The following SEPTIN10 variants were observed in gnomAD, a reference collection of about 807,000 sequenced individuals.
The protein encoded by SEPTIN10 is septin 10.
SEPTIN10 carries 66 observed loss-of-function variants against 54.8 expected under a neutral mutation model. The observed-to-expected ratio is 1.21, with a 90% CI of 0.99 to 1.48. The LOEUF (loss-of-function observed/expected upper bound fraction) is 1.48, where lower values mean the gene tolerates loss of function less well. SEPTIN10 is among the 40% of genes most tolerant of loss of function. SEPTIN10 has a pLI of 0.00. For missense variants in SEPTIN10, 620 were observed against 545.6 expected (o/e 1.14, Z -1.36); for synonymous variants, 161 against 181.0 (o/e 0.89, Z 0.89).
intron 1 of SEPTIN10, among the ~76,000 whole-genome samples, chr2:109,607,879 C>A (rs1032095185): frequency 6.6e-5 from 10 of 152,070 alleles, no homozygotes; most frequent in African/African-American, 2.4e-4. Context: ...CTGGAGGTAT[C>A]TATACTTTTA....
chr2:109,612,731 A>G (rs1468175691), intron 1 of SEPTIN10, among the ~76,000 whole-genome samples: 1 of 152,202 alleles, frequency 6.6e-6, no homozygotes, highest in African/African-American at 2.4e-5. Context: ...ACATGCACAC[A>G]AACACAGCAA....
At chr2:109,556,607 C>T (rs961144602) in intron 8 of SEPTIN10, among the ~76,000 whole-genome samples, 1 of 152,100 alleles carries the variant, frequency 6.6e-6, no homozygotes. Context: ...ATGTCTCACA[C>T]CCCAAGGAGG....
chr2:109,608,636 T>C (rs1698543657), intron 1 of SEPTIN10, among the ~76,000 whole-genome samples: 1 of 152,236 alleles, frequency 6.6e-6, no homozygotes, highest in African/African-American at 2.4e-5. Context: ...ATAAGTGCTA[T>C]ATCCCAAGCT....
chr2:109,606,474 T>C (rs1271388303), intron 1 of SEPTIN10, among the ~76,000 whole-genome samples: 1 of 152,136 alleles, frequency 6.6e-6, no homozygotes, highest in Non-Finnish European at 1.5e-5. Flanking sequence ...CCATGGTGAA[T>C]GCACTTCAGC....
chr2:109,551,650 T>G (rs532713868), intron 9 of SEPTIN10, among the ~76,000 whole-genome samples: 1 of 152,348 alleles, frequency 6.6e-6, no homozygotes, highest in Non-Finnish European at 1.5e-5. Flanking sequence ...TTGAACTTTT[T>G]CCAAATAAAA....
chr2:109,567,210 C>G (rs1687240681), intron 6 of SEPTIN10, among the ~76,000 whole-genome samples: 1 of 152,140 alleles, frequency 6.6e-6, no homozygotes. Flanking sequence ...TATGTTAAGT[C>G]TCAGGGAGGT....
intron 9 of SEPTIN10, among the ~76,000 whole-genome samples, chr2:109,549,412 AAAC>A (rs1682249072): frequency 6.6e-6 from 1 of 152,196 alleles, no homozygotes; most frequent in Admixed American, 6.5e-5. Context: ...GGGAAACATT[AAAC>A]AAGGGGGCAG....
intron 5 of SEPTIN10, 74 bp downstream of exon 5, chr2:109,574,507 C>A: frequency 1.2e-6 from 1 of 827,158 alleles, no homozygotes; most frequent in South Asian, 4.3e-5. Context: ...AATATATATC[C>A]ATATTGTAAA....
chr2:109,550,317 T>G (rs527920411), intron 9 of SEPTIN10, among the ~76,000 whole-genome samples: 2 of 151,388 alleles, frequency 1.3e-5, no homozygotes, highest in African/African-American at 2.4e-5. Flanking sequence ...GTATCTTTTT[T>G]TTTTTTGTTT....
At chr2:109,556,280 CAG>C (rs1684353419) in intron 8 of SEPTIN10, among the ~76,000 whole-genome samples, 1 of 152,186 alleles carries the variant, frequency 6.6e-6, no homozygotes, top group South Asian at 2.1e-4. Flanking sequence ...AAAGGTTTGA[CAG>C]AGAATACAAA....
chr2:109,553,306 A>G (rs1429333272), intron 8 of SEPTIN10, 87 bp from the exon 9 acceptor site: 7 of 1,383,902 alleles, frequency 5.1e-6, no homozygotes, highest in Admixed American at 2.0e-5. Flanking sequence ...ACACTTTGGG[A>G]GGCCGAGGCA....
At chr2:109,599,226 GAC>G (rs1293558777) in intron 1 of SEPTIN10, among the ~76,000 whole-genome samples, 22 of 152,214 alleles carry the variant, frequency 1.4e-4, no homozygotes, top group Middle Eastern at 6.8e-3. Context: ...GGGAGGCCAA[GAC>G]CGGTGGATCA....
At chr2:109,545,514 A>G (rs758977195) in intron 10 of SEPTIN10, 50 of 1,536,008 alleles carry the variant, frequency 3.3e-5, no homozygotes, top group Admixed American at 3.9e-5. Flanking sequence ...ACATCAATGC[A>G]CAGGAGTTCG....
chr2:109,595,021 G>A (rs1353569414), intron 1 of SEPTIN10: 19 of 152,082 alleles, frequency 1.2e-4, no homozygotes, highest in Admixed American at 1.1e-3. Flanking sequence ...CGAGCAGCTG[G>A]GATTACCGGC....
chr2:109,556,473 G>T (rs1429884877), intron 8 of SEPTIN10, among the ~76,000 whole-genome samples: 1 of 152,154 alleles, frequency 6.6e-6, no homozygotes, highest in Non-Finnish European at 1.5e-5. Flanking sequence ...CAGCTACCAA[G>T]GCTGAGAGGT....
intron 8 of SEPTIN10, among the ~76,000 whole-genome samples, chr2:109,556,940 A>G (rs1684513620): frequency 1.3e-5 from 2 of 152,164 alleles, no homozygotes; most frequent in Non-Finnish European, 2.9e-5. Flanking sequence ...CAAACATGGC[A>G]TGTTCTCACT....
intron 9 of SEPTIN10, among the ~76,000 whole-genome samples, chr2:109,546,969 A>C (rs531247842): frequency 1.8e-4 from 28 of 152,332 alleles, no homozygotes; most frequent in East Asian, 1.5e-3. Flanking sequence ...GGCAACTAAG[A>C]AGCAGCAGAT....
chr2:109,598,029 A>C (rs1054123872), intron 1 of SEPTIN10, among the ~76,000 whole-genome samples: 1 of 152,176 alleles, frequency 6.6e-6, no homozygotes, highest in South Asian at 2.1e-4. Context: ...AGCCTCAGGA[A>C]ACAGAATCCT....
chr2:109,613,279 A>T (rs1432953909), intron 1 of SEPTIN10: 1 of 842,904 alleles, frequency 1.2e-6, no homozygotes, highest in South Asian at 1.9e-5. Flanking sequence ...AGTACAAAAG[A>T]GTCAAGGCGG....
Sources: gnomAD v4.1 joint callset for allele counts (sites outside exome capture counted in the v4.1 genomes callset) on GRCh38, gnomAD v4.1.1 for gene constraint, MANE v1.5 for transcripts, NCBI Gene and HGNC (gene_info 2026-07-23, HGNC 2026-07-21) for gene names.